GLIS3: variants seen among roughly 807,000 people sequenced by gnomAD.
GLIS3 encodes GLIS family zinc finger 3, also known as zinc finger protein GLIS3.
GLIS3 carries 53 observed loss-of-function variants against 78.6 expected under a neutral mutation model. The ratio of observed to expected loss-of-function variants is 0.67; its 90% confidence interval spans 0.54 to 0.85. GLIS3 has a LOEUF of 0.85. Among genes scored for constraint, GLIS3 ranks in the 40% least tolerant of loss-of-function variants. GLIS3 has a pLI of 0.00. For synonymous variants in GLIS3, 684 were observed against 509.9 expected, an observed-to-expected ratio of 1.34 and a Z score of -4.60; for missense variants, 1,703 against 1,231.1, an observed-to-expected ratio of 1.38 and a Z score of -5.74.
chr9:4,413,960 C>G, the GLIS3 span, among the ~76,000 whole-genome samples: 66 of 152,218 alleles, frequency 4.3e-4, no homozygotes, highest in Admixed American at 1.0e-3. Context: ...TATGCATTTA[C>G]AGACCTGTGG....
chr9:4,227,438 C>G lies in GLIS3; in HGVS notation c.388+58600G>C, dbSNP rs376910641. Among the ~76,000 whole-genome samples, 32 of 152,238 alleles carry G rather than the reference C, an allele frequency of 2.1e-4. 1 individual carries two copies. In the South Asian group the frequency reaches 6.2e-3, roughly 30 times the overall value. The stretch of plus-strand genomic sequence containing the variant: ...GCAGTGACTTTCAGATTGTATTGAT[C>G]TCTCTGATATGGAGCTCCATCCTAG... On this transcript the variant is annotated intron_variant, in intron 2 of 10. Transcript: ENST00000381971.
At chr9:4,480,714 A>T in the GLIS3 span, among the ~76,000 whole-genome samples, 1 of 152,166 alleles carries the variant, frequency 6.6e-6, no homozygotes, top group Non-Finnish European at 1.5e-5. Context: ...AAGAAAAAAA[A>T]GCACATTAAT....
intron 4 of GLIS3, among the ~76,000 whole-genome samples, chr9:4,046,280 C>T (rs562095206): frequency 2.6e-5 from 4 of 152,264 alleles, no homozygotes; most frequent in African/African-American, 9.6e-5. Context: ...TCATCATGCA[C>T]CTATGTGAAG....
chr9:4,136,010 C>T (rs923612282), intron 2 of GLIS3, among the ~76,000 whole-genome samples: 3 of 152,164 alleles, frequency 2.0e-5, no homozygotes, highest in African/African-American at 7.2e-5. Context: ...TACAGTAAGG[C>T]ATGGCTAAAT....
chr9:4,003,942 T>C (rs1286042073), intron 4 of GLIS3, among the ~76,000 whole-genome samples: 1 of 152,250 alleles, frequency 6.6e-6, no homozygotes, highest in African/African-American at 2.4e-5. Flanking sequence ...GGCTTTTTCA[T>C]TAGTACATTC....
intron 4 of GLIS3, among the ~76,000 whole-genome samples, chr9:4,000,733 G>T (rs946015858): frequency 7.2e-5 from 11 of 152,058 alleles, no homozygotes; most frequent in African/African-American, 2.7e-4. Context: ...CCTCCCTGCC[G>T]CTCACCTGCA....
chr9:4,476,089 G>A, the GLIS3 span, among the ~76,000 whole-genome samples: 1 of 152,002 alleles, frequency 6.6e-6, no homozygotes, highest in East Asian at 1.9e-4. Flanking sequence ...CTATGTAAAT[G>A]TTTTAAATAA....
chr9:4,070,693 T>G (rs1242770259), intron 4 of GLIS3, among the ~76,000 whole-genome samples: 5 of 152,204 alleles, frequency 3.3e-5, no homozygotes, highest in African/African-American at 1.2e-4. Context: ...GTTATTACTC[T>G]GCCCCAAATA....
the GLIS3 span, among the ~76,000 whole-genome samples, chr9:4,381,445 C>G: frequency 6.6e-6 from 1 of 152,098 alleles, no homozygotes; most frequent in South Asian, 2.1e-4. Flanking sequence ...ATAATAAGCA[C>G]CAACCGGACG....
At chr9:4,352,187 T>G (rs1395582643), upstream of GLIS3, among the ~76,000 whole-genome samples, 1 of 152,224 alleles carries the variant, frequency 6.6e-6, no homozygotes, top group African/African-American at 2.4e-5. Context: ...ATACAGTCAT[T>G]GTATTAAACT....
Position 4,118,753 on chromosome 9 carries a change from G to C in GLIS3, c.725C>G (p.Ser242Cys), listed in dbSNP as rs759906591. 2.5e-6 allele frequency: 4 copies of C among 1,613,906 alleles called. No individual in the cohort carries two copies. Among genetic ancestry groups the C allele is most frequent in the East Asian group, 2.2e-5 (1 of 44,868 alleles). ...ATCCCCTAGATCAAGGCCATTCTGAGAGCCGTGGTTGGAGAGCGAAGGGAG... is the reference window on the plus strand; with the variant it reads ...ATCCCCTAGATCAAGGCCATTCTGACAGCCGTGGTTGGAGAGCGAAGGGAG... ...RALPSLSNHG[S>C]QNGLDLGDLL... is the part of the protein sequence containing the mutation. Residue 242 changes from serine (S) to cysteine (C), a missense_variant, in exon 4 of 11, where the codon TCT (serine) becomes TGT (cysteine). Transcript: ENST00000381971. This position sits in a 1 kb window ranked among gnomAD's most constrained non-coding sequence, Gnocchi z 4.7.
In GLIS3 at chr9:3,828,102, T is replaced by C. The variant is rs1451336952; in HGVS notation, c.*170A>G. 1.1e-5 allele frequency: 8 copies of C among 724,200 alleles called. No individual in the cohort carries two copies. The allele number at this position is 724,200 out of a possible 1,614,324, so 44.9% of individuals were successfully genotyped here. A position where few individuals can be genotyped will look rare whatever the true frequency, so the allele number is the denominator to read the frequency against. ...AAAAAGGAGCAACTGTAATGATTCC[T>C]GCAAAGCTAGCTCTGCCATTCAGTC... On this transcript the variant is annotated 3_prime_UTR_variant, in exon 11 of 11. Transcript: ENST00000381971.
intron 1 of GLIS3, among the ~76,000 whole-genome samples, chr9:4,296,731 C>G (rs1209644695): frequency 6.6e-6 from 1 of 151,924 alleles, no homozygotes; most frequent in Non-Finnish European, 1.5e-5. Context: ...AAAGCAATTA[C>G]AAACTACCAA....
At position 3,824,199 on chromosome 9, in the gene GLIS3, T is replaced by C. The variant is rs1817605427; in HGVS notation, c.*4073A>G. The C allele has an allele frequency of 6.6e-6, 1 of 152,642 alleles. No homozygotes were observed. The highest frequency in any genetic ancestry group is 1.5e-5 in the Non-Finnish European group (1 of 68,052). The allele number at this position is 152,642 out of a possible 1,614,324, so 9.5% of individuals were successfully genotyped here. A position where few individuals can be genotyped will look rare whatever the true frequency, so the allele number is the denominator to read the frequency against. On this transcript the variant is annotated 3_prime_UTR_variant, in exon 11 of 11. Transcript: ENST00000381971. The stretch of plus-strand genomic sequence containing the variant: ...GTTTTATTTATGGACACTCCCAACA[T>C]GTAAAGGACTCAGGGAGACATTCAT...
rs774821765 is a variant in GLIS3, at chr9:4,120,327, C to T, written c.597-1446G>A. On this transcript the variant is annotated intron_variant, in intron 3 of 10. Coordinates refer to ENST00000381971, the MANE Select transcript of GLIS3 (RefSeq NM_001042413.2). ...ACCATCATCAACGAGATGTTACCAT[C>T]GAGTGAAGTAATGTTTACCAAAGAC... 9.4e-4 allele frequency among the ~76,000 whole-genome samples: 143 copies of T among 152,342 alleles called. 1 individual carries two copies. The highest frequency in any genetic ancestry group is 3.4e-3 in the Middle Eastern group (1 of 294).
chr9:3,971,581 T>C (rs1158906843), intron 4 of GLIS3, among the ~76,000 whole-genome samples: 1 of 152,164 alleles, frequency 6.6e-6, no homozygotes, highest in Non-Finnish European at 1.5e-5. Flanking sequence ...AAGGGCTCTG[T>C]TGGCACATGA....
chr9:4,322,473 C>T (rs569190569), intron 2 of GLIS3, among the ~76,000 whole-genome samples: 2 of 152,166 alleles, frequency 1.3e-5, no homozygotes, highest in Non-Finnish European at 2.9e-5. Context: ...TGAGGAATCG[C>T]CACACTGTCT....
intron 2 of GLIS3, among the ~76,000 whole-genome samples, chr9:4,281,910 A>C (rs1245794948): frequency 2.6e-5 from 4 of 152,236 alleles, no homozygotes; most frequent in Non-Finnish European, 4.4e-5. Flanking sequence ...TGTGACTCCC[A>C]AAGTTCACTG....
At chr9:3,862,464 C>T (rs749020898) in intron 8 of GLIS3, among the ~76,000 whole-genome samples, 21 of 152,262 alleles carry the variant, frequency 1.4e-4, no homozygotes, top group African/African-American at 3.4e-4. Context: ...TAACTTCTTT[C>T]GGGTAGGGCT....
Sources: allele counts gnomAD v4.1 joint callset (sites outside exome capture counted in the v4.1 genomes callset), GRCh38; gene constraint gnomAD v4.1.1; non-coding constraint Gnocchi (gnomAD v3.1); transcripts MANE v1.5; gene names NCBI Gene and HGNC (gene_info 2026-07-23, HGNC 2026-07-21).